Variants in BNC2 observed in about 807,000 individuals in gnomAD.
BNC2 encodes the protein basonuclin zinc finger protein 2.
A neutral mutation model predicts 76.3 loss-of-function variants in BNC2; 20 were observed. The ratio of observed to expected loss-of-function variants is 0.26; its 90% CI spans 0.18 to 0.38. BNC2 has a LOEUF of 0.38. BNC2 is among the 10% of genes least tolerant of loss of function. The probability of loss-of-function intolerance (pLI) is 1.00; values close to 1 mark genes in which losing one functional copy is unlikely to be tolerated. For missense variants in BNC2, 1,382 were observed against 1,399.8 expected, an observed-to-expected ratio of 0.99 and a Z score of 0.20; for synonymous variants, 582 against 514.8, an observed-to-expected ratio of 1.13 and a Z score of -1.77.
intron 1 of BNC2, among the ~76,000 whole-genome samples, chr9:16,773,805 A>G (rs915129051): frequency 6.6e-6 from 1 of 152,160 alleles, no homozygotes; most frequent in Admixed American, 6.5e-5. Context: ...GACCTCTACA[A>G]AAGCCTTTTT....
rs369580412 is a variant in BNC2 at position 16,766,751 on chromosome 9, T to C, written c.4-28266A>G. On this transcript the variant is annotated intron_variant, in intron 1 of 6. Transcript: ENST00000380672. ...CAGGTCCTGTTGGAGTTTGGAATCA[T>C]CAAATGGCCAGAAATAAGTGAAATG... Among the ~76,000 whole-genome samples the C allele has an allele frequency of 5.3e-5, 8 of 152,214 alleles. No homozygotes were observed. The East Asian group carries it at 1.2e-3, about 22-fold the overall frequency.
intron 3 of BNC2, among the ~76,000 whole-genome samples, chr9:16,613,056 G>A (rs1242584580): frequency 1.3e-5 from 2 of 152,156 alleles, no homozygotes; most frequent in Non-Finnish European, 2.9e-5. Flanking sequence ...AAGAACATAT[G>A]AGTTATAGCA....
intron 4 of BNC2, 33 bp downstream of exon 4, chr9:16,582,950 A>T: frequency 6.9e-7 from 1 of 1,456,374 alleles, no homozygotes; most frequent in Non-Finnish European, 9.6e-7. Context: ...TGAACATAAT[A>T]AGAACGGGAA....
At chr9:16,846,136 T>C (rs1046123282) in intron 1 of BNC2, among the ~76,000 whole-genome samples, 11 of 113,762 alleles carry the variant, frequency 9.7e-5, no homozygotes, top group Non-Finnish European at 1.3e-4. Context: ...CGAGACACCG[T>C]CTCAAAAAAA....
At chr9:16,701,618 A>G (rs144730979) in intron 3 of BNC2, among the ~76,000 whole-genome samples, 452 of 152,332 alleles carry the variant, frequency 3.0e-3, no homozygotes, top group Non-Finnish European at 3.1e-3. Flanking sequence ...AAAAGAAGTT[A>G]GATGTTAAGC....
intron 3 of BNC2, among the ~76,000 whole-genome samples, chr9:16,594,917 T>TA (rs1820024688): frequency 1.3e-5 from 2 of 152,080 alleles, no homozygotes; most frequent in Non-Finnish European, 2.9e-5. Context: ...TAGGAGCTTA[T>TA]AACCAAATAG....
intron 3 of BNC2, among the ~76,000 whole-genome samples, chr9:16,604,306 C>T (rs1820321897): frequency 6.6e-6 from 1 of 152,038 alleles, no homozygotes; most frequent in African/African-American, 2.4e-5. Context: ...TAATTAAATG[C>T]CAACTTTTGT....
chr9:16,641,436 T>C (rs1821489023), intron 3 of BNC2, among the ~76,000 whole-genome samples: 1 of 152,214 alleles, frequency 6.6e-6, no homozygotes, highest in South Asian at 2.1e-4. Flanking sequence ...TGAGGCACTT[T>C]CTCAGATATT....
At chr9:16,463,437 C>G (rs938397648) in intron 5 of BNC2, among the ~76,000 whole-genome samples, 3 of 145,670 alleles carry the variant, frequency 2.1e-5, no homozygotes, top group African/African-American at 8.0e-5. Flanking sequence ...GCTGGGACTA[C>G]AGGCGCCCGC....
intron 5 of BNC2, among the ~76,000 whole-genome samples, chr9:16,477,633 A>G (rs1322087188): frequency 6.6e-6 from 1 of 152,172 alleles, no homozygotes; most frequent in Non-Finnish European, 1.5e-5. Context: ...TTTCCTTATA[A>G]CCCTAAAAAA....
chr9:16,596,510 T>C (rs987237437), intron 3 of BNC2, among the ~76,000 whole-genome samples: 42 of 152,322 alleles, frequency 2.8e-4, no homozygotes, highest in Admixed American at 1.4e-3. Flanking sequence ...TTTACCTCTT[T>C]ACACCATTTG....
chr9:16,503,638 A>T (rs546329064), intron 5 of BNC2, among the ~76,000 whole-genome samples: 4 of 152,286 alleles, frequency 2.6e-5, no homozygotes, highest in South Asian at 2.1e-4. Flanking sequence ...AAATCTGATT[A>T]ATGATAATCT....
rs1449472939 is a variant in BNC2, at chr9:16,583,113, C to G, written c.331-28G>C. 3 of 1,565,802 alleles carry G rather than the reference C, an allele frequency of 1.9e-6. No individual in the cohort carries two copies. In the African/African-American group the frequency reaches 4.1e-5, roughly 21 times the overall value. On this transcript the variant is annotated intron_variant, in intron 3 of 6. Coordinates refer to ENST00000380672, the MANE Select transcript of BNC2 (RefSeq NM_017637.6). Reference sequence around the variant, plus strand: ...GAAAAATAAAGGAGGAAAAAAAGGTCAGCATCTGTTCAAAGATACTATACT... The same window carrying G: ...GAAAAATAAAGGAGGAAAAAAAGGTGAGCATCTGTTCAAAGATACTATACT...
At chr9:16,565,291 T>C (rs1218381628) in intron 4 of BNC2, among the ~76,000 whole-genome samples, 5 of 152,160 alleles carry the variant, frequency 3.3e-5, no homozygotes, top group Non-Finnish European at 7.3e-5. Context: ...TCAGAAGACC[T>C]TGGACAGATT....
At chr9:16,709,995 C>G (rs951735009) in intron 3 of BNC2, among the ~76,000 whole-genome samples, 1 of 152,090 alleles carries the variant, frequency 6.6e-6, no homozygotes, top group Non-Finnish European at 1.5e-5. Context: ...AAACTGGAGG[C>G]ATTCTTATTT....
At chr9:16,775,386 G>A (rs1825937145) in intron 1 of BNC2, among the ~76,000 whole-genome samples, 1 of 103,300 alleles carries the variant, frequency 9.7e-6, no homozygotes. Flanking sequence ...CTTAAACACT[G>A]ATTTCGTTAT....
chr9:16,484,475 A>G (rs1822120016), intron 5 of BNC2, among the ~76,000 whole-genome samples: 1 of 152,238 alleles, frequency 6.6e-6, no homozygotes, highest in South Asian at 2.1e-4. Flanking sequence ...GGCTGCCAGC[A>G]TAACAGAGTT....
At chr9:16,553,806 A>G (rs772915342) in intron 4 of BNC2, among the ~76,000 whole-genome samples, 103 of 152,348 alleles carry the variant, frequency 6.8e-4, no homozygotes, top group Non-Finnish European at 1.3e-3. Context: ...TGCTGATAAT[A>G]TAATTACATT....
chr9:16,562,683 A>C (rs1411116669), intron 4 of BNC2, among the ~76,000 whole-genome samples: 4 of 152,232 alleles, frequency 2.6e-5, no homozygotes, highest in African/African-American at 9.6e-5. Flanking sequence ...TTCATTAAGC[A>C]TATAAAAACA....
Sources: gnomAD v4.1 joint callset for allele counts (sites outside exome capture counted in the v4.1 genomes callset) on GRCh38, gnomAD v4.1.1 for gene constraint, MANE v1.5 for transcripts, NCBI Gene and HGNC (gene_info 2026-07-23, HGNC 2026-07-21) for gene names.